The following NR6A1 variants were observed in gnomAD, a reference collection of about 807,000 sequenced individuals.
The protein encoded by NR6A1 is nuclear receptor subfamily 6 group A member 1.
NR6A1 carries 7 observed loss-of-function variants against 59.1 expected under a neutral mutation model. That is an observed-to-expected ratio of 0.12 (90% CI 0.07 to 0.22). The LOEUF (loss-of-function observed/expected upper bound fraction) is 0.22, where lower values mean the gene tolerates loss of function less well. Among genes scored for constraint, NR6A1 ranks in the 10% least tolerant of loss-of-function variants. The probability of loss-of-function intolerance (pLI) is 1.00; values close to 1 mark genes in which losing one functional copy is unlikely to be tolerated. For missense variants in NR6A1, 468 were observed against 611.6 expected (o/e 0.77, Z 2.48); for synonymous variants, 243 against 236.1 (o/e 1.03, Z -0.27).
At chr9:124,659,729 G>T (rs1013736521) in intron 2 of NR6A1, among the ~76,000 whole-genome samples, 1 of 152,144 alleles carries the variant, frequency 6.6e-6, no homozygotes, top group Non-Finnish European at 1.5e-5. Context: ...GTAAAAGCAT[G>T]ACCCTTTAAG....
intron 3 of NR6A1, among the ~76,000 whole-genome samples, chr9:124,551,443 G>C (rs1219618917): frequency 6.6e-6 from 1 of 152,034 alleles, no homozygotes; most frequent in East Asian, 1.9e-4. Flanking sequence ...GACTCTCATT[G>C]TCCACAATAT....
intron 2 of NR6A1, among the ~76,000 whole-genome samples, chr9:124,656,338 T>C (rs1466548274): frequency 6.6e-6 from 1 of 152,150 alleles, no homozygotes; most frequent in Non-Finnish European, 1.5e-5. Flanking sequence ...AGGTATTCCT[T>C]TACAGCAACA....
chr9:124,648,070 C>T (rs1045958352), intron 2 of NR6A1, among the ~76,000 whole-genome samples: 6 of 152,064 alleles, frequency 3.9e-5, no homozygotes, highest in Admixed American at 3.3e-4. Flanking sequence ...ACTAGGCAAA[C>T]TGAATTCAGC....
intron 2 of NR6A1, chr9:124,595,854 C>T: frequency 1.6e-6 from 2 of 1,284,070 alleles, no homozygotes; most frequent in Non-Finnish European, 2.0e-6. Context: ...GACTACCCTT[C>T]CGACACTTGG....
chr9:124,749,823 C>A (rs1840445059), intron 1 of NR6A1, among the ~76,000 whole-genome samples: 1 of 152,206 alleles, frequency 6.6e-6, no homozygotes, highest in Non-Finnish European at 1.5e-5. Flanking sequence ...ATTATAAGTT[C>A]CACAGGCTTA....
intron 2 of NR6A1, among the ~76,000 whole-genome samples, chr9:124,555,969 T>G (rs1833912203): frequency 6.6e-6 from 1 of 152,208 alleles, no homozygotes; most frequent in Non-Finnish European, 1.5e-5. Context: ...CATGGTAGTA[T>G]ATACAGGAGG....
intron 2 of NR6A1, among the ~76,000 whole-genome samples, chr9:124,592,529 G>T (rs933648368): frequency 6.6e-6 from 1 of 152,180 alleles, no homozygotes; most frequent in Non-Finnish European, 1.5e-5. Flanking sequence ...CCCAGCAAAA[G>T]GGTACCGATT....
intron 2 of NR6A1, among the ~76,000 whole-genome samples, chr9:124,637,184 C>T (rs1836633983): frequency 6.6e-6 from 1 of 152,136 alleles, no homozygotes; most frequent in Admixed American, 6.5e-5. Flanking sequence ...GTAGAAAGTG[C>T]ATTCTAGACC....
At chr9:124,600,992 A>G (rs560215549) in intron 2 of NR6A1, among the ~76,000 whole-genome samples, 147 of 152,164 alleles carry the variant, frequency 9.7e-4, no homozygotes, top group African/African-American at 3.4e-3. Context: ...TTAAGAAAAA[A>G]AAAAAAAATG....
At chr9:124,529,186 A>G (rs1833026700) in intron 7 of NR6A1, among the ~76,000 whole-genome samples, 1 of 152,176 alleles carries the variant, frequency 6.6e-6, no homozygotes, top group Non-Finnish European at 1.5e-5. Context: ...TTGAATAACC[A>G]CAATAACCAC....
At chr9:124,552,950 T>C (rs988567025) in intron 3 of NR6A1, among the ~76,000 whole-genome samples, 2 of 152,206 alleles carry the variant, frequency 1.3e-5, no homozygotes, top group African/African-American at 4.8e-5. Context: ...TTCATAATGC[T>C]ATAAAACCAG....
At chr9:124,653,968 C>G (rs1441100928) in intron 2 of NR6A1, among the ~76,000 whole-genome samples, 3 of 152,178 alleles carry the variant, frequency 2.0e-5, no homozygotes, top group Non-Finnish European at 2.9e-5. Context: ...TAATTAATAA[C>G]TGAATTTTAT....
intron 2 of NR6A1, among the ~76,000 whole-genome samples, chr9:124,692,263 T>G (rs1564240080): frequency 6.6e-6 from 1 of 151,532 alleles, no homozygotes; most frequent in Non-Finnish European, 1.5e-5. Flanking sequence ...GACATTCATT[T>G]GAGTCTGCTT....
chr9:124,703,124 C>G lies in NR6A1; in HGVS notation c.142+30184G>C, dbSNP rs145239277. On this transcript the variant is annotated intron_variant, in intron 2 of 9. Transcript: ENST00000487099. ...TTCACCATGTTGGTCAAGCTGGTCTCGAACTCCTGACCTCAACTGATCTGC... is the reference window on the plus strand; with the variant it reads ...TTCACCATGTTGGTCAAGCTGGTCTGGAACTCCTGACCTCAACTGATCTGC... 1.1e-4 allele frequency among the ~76,000 whole-genome samples: 17 copies of G among 151,924 alleles called. No homozygotes were observed. In the South Asian group the frequency reaches 3.5e-3, roughly 32 times the overall value.
intron 2 of NR6A1, among the ~76,000 whole-genome samples, chr9:124,577,481 TA>T (rs1477075615): frequency 6.6e-6 from 1 of 152,238 alleles, no homozygotes; most frequent in Admixed American, 6.5e-5. Context: ...GTGACTTCTC[TA>T]ATTACTTAGT....
chr9:124,545,881 TGAG>T (rs1336174014), intron 3 of NR6A1, among the ~76,000 whole-genome samples: 1 of 152,178 alleles, frequency 6.6e-6, no homozygotes, highest in Non-Finnish European at 1.5e-5. Flanking sequence ...TTTGGAAGGC[TGAG>T]GAGGGCAGAT....
chr9:124,554,195 A>C (rs1022836692), intron 3 of NR6A1, 133 bp downstream of exon 3: 16 of 1,380,916 alleles, frequency 1.2e-5, no homozygotes, highest in Non-Finnish European at 1.6e-5. Context: ...AGAATGGTTC[A>C]TTTTTGGTTA....
At chr9:124,718,397 T>G (rs1295737745) in intron 2 of NR6A1, among the ~76,000 whole-genome samples, 3 of 152,252 alleles carry the variant, frequency 2.0e-5, no homozygotes, top group Non-Finnish European at 4.4e-5. Flanking sequence ...AGTCTTTTAC[T>G]TTATTCTCAG....
chr9:124,723,540 T>A (rs370598992), intron 2 of NR6A1, among the ~76,000 whole-genome samples: 1 of 152,210 alleles, frequency 6.6e-6, no homozygotes, highest in Non-Finnish European at 1.5e-5. Context: ...AACTATTTAC[T>A]TGAAGCAGTA....
Sources: allele counts gnomAD v4.1 joint callset (sites outside exome capture counted in the v4.1 genomes callset), GRCh38; gene constraint gnomAD v4.1.1; transcripts MANE v1.5; gene names NCBI Gene and HGNC (gene_info 2026-07-23, HGNC 2026-07-21).